MICAL3: variants seen among roughly 807,000 people sequenced by gnomAD.
MICAL3 encodes the protein [F-actin]-monooxygenase MICAL3.
Under a neutral mutation model 207.4 loss-of-function variants are expected in MICAL3, and 62 were observed. The observed-to-expected ratio is 0.30, with a 90% CI of 0.24 to 0.37. MICAL3 has a LOEUF of 0.37. Among genes scored for constraint, MICAL3 ranks in the 10% least tolerant of loss-of-function variants. The pLI is 1.00. For missense variants in MICAL3, 2,368 were observed against 2,635.6 expected (o/e 0.90, Z 2.22); for synonymous variants, 1,077 against 1,069.3 (o/e 1.01, Z -0.14).
chr22:17,846,314 A>C (rs557753643), intron 19 of MICAL3, among the ~76,000 whole-genome samples: 1 of 152,290 alleles, frequency 6.6e-6, no homozygotes, highest in East Asian at 1.9e-4. Flanking sequence ...CTCAGAGGAC[A>C]CTGGGCAAGG....
At chr22:17,959,278 G>C (rs1259708387) in intron 1 of MICAL3, among the ~76,000 whole-genome samples, 2 of 151,528 alleles carry the variant, frequency 1.3e-5, no homozygotes, top group African/African-American at 4.9e-5. Flanking sequence ...GGCTCCCAAA[G>C]TGCTGGGATT....
intron 1 of MICAL3, among the ~76,000 whole-genome samples, chr22:17,973,125 T>A (rs1935493490): frequency 6.6e-6 from 1 of 152,090 alleles, no homozygotes; most frequent in African/African-American, 2.4e-5. Context: ...GTGGGGTGAG[T>A]AAGCCTCCTT....
In MICAL3 at chr22:17,902,047, G is replaced by C; in HGVS notation, c.590-68C>G. The C allele has an allele frequency of 8.9e-7, 1 of 1,127,654 alleles. No individual in the cohort carries two copies. Among genetic ancestry groups the C allele is most frequent in the Admixed American group, 2.0e-5 (1 of 51,024 alleles). The allele number at this position is 1,127,654 out of a possible 1,614,324, so 69.9% of individuals were successfully genotyped here. A position where few individuals can be genotyped will look rare whatever the true frequency, so the allele number is the denominator to read the frequency against. Reference sequence around the variant, plus strand: ...ACATTCACAGCCAGGACCATCTCTAGATACCCAGTCATGTGAACTGCACAA... The same window carrying C: ...ACATTCACAGCCAGGACCATCTCTACATACCCAGTCATGTGAACTGCACAA... On this transcript the variant is annotated intron_variant, in intron 4 of 31. Transcript: ENST00000441493. This position sits in a 1 kb window ranked among gnomAD's most constrained non-coding sequence, Gnocchi z 4.5.
intron 21 of MICAL3, among the ~76,000 whole-genome samples, chr22:17,829,824 G>A (rs1460647575): frequency 6.6e-6 from 1 of 152,198 alleles, no homozygotes; most frequent in Non-Finnish European, 1.5e-5. Context: ...CGCATTCCAT[G>A]AGGCCACTTC....
intron 1 of MICAL3, among the ~76,000 whole-genome samples, chr22:17,953,930 CAAAAAAAAAAAAAAAAAAAAAAAAAA>C (rs59740388): frequency 1.2e-5 from 1 of 86,534 alleles, no homozygotes; most frequent in Non-Finnish European, 2.3e-5. Flanking sequence ...GACTCCATCT[CAAAAAAAAAAAAAAAAAAAAAAAAAA>C]AAAAAAAAAA....
At chr22:17,803,628 G>C (rs1215606011) in intron 29 of MICAL3, 2 of 158,830 alleles carry the variant, frequency 1.3e-5, no homozygotes. Context: ...TCTTCCTCTG[G>C]AGCACATGTG....
intron 1 of MICAL3, chr22:18,005,554 T>G (rs1459522684): frequency 6.6e-6 from 1 of 151,846 alleles, no homozygotes; most frequent in Admixed American, 6.6e-5. Context: ...GTACAAGGAG[T>G]GCTTACAGGG....
chr22:17,919,902 C>T (rs562853854), intron 1 of MICAL3, among the ~76,000 whole-genome samples: 4 of 152,338 alleles, frequency 2.6e-5, no homozygotes, highest in South Asian at 4.1e-4. Context: ...TAAAGAACTG[C>T]GGTATCAGTG....
rs1466143035 is a variant in MICAL3, at chr22:17,988,348, GTCA to G, written c.-75+35930_-75+35932del. Among the ~76,000 whole-genome samples, 17 of 152,160 alleles carry G rather than the reference GTCA, an allele frequency of 1.1e-4. No individual in the cohort carries two copies. In the East Asian group the frequency reaches 2.9e-3, roughly 26 times the overall value. ...TGCCAACATCCTGTTCCAGTTCCTTGTCATGTCACACCTGAATCATCCCCATCT... is the reference window on the plus strand; with the variant it reads ...TGCCAACATCCTGTTCCAGTTCCTTGTGTCACACCTGAATCATCCCCATCT... On this transcript the variant is annotated intron_variant, in intron 1 of 31. Transcript: ENST00000441493.
chr22:17,995,749 T>C (rs1434230269), intron 1 of MICAL3, among the ~76,000 whole-genome samples: 2 of 152,008 alleles, frequency 1.3e-5, no homozygotes, highest in East Asian at 1.9e-4. Flanking sequence ...CCTCAGGTGA[T>C]CTGCCCACCT....
chr22:17,865,765 T>C (rs532208825), intron 18 of MICAL3, among the ~76,000 whole-genome samples, 159 bp downstream of exon 18: 10 of 152,194 alleles, frequency 6.6e-5, no homozygotes, highest in African/African-American at 2.4e-4. Context: ...GAAAAGATGG[T>C]TCCCTCTCCA....
chr22:17,998,799 C>T (rs367988984), intron 1 of MICAL3, among the ~76,000 whole-genome samples: 7 of 152,044 alleles, frequency 4.6e-5, no homozygotes, highest in Non-Finnish European at 8.8e-5. Context: ...GTGATCCGCC[C>T]GCCTGGCCTC....
chr22:18,000,427 G>A (rs1480969971), intron 1 of MICAL3, among the ~76,000 whole-genome samples: 1 of 152,186 alleles, frequency 6.6e-6, no homozygotes, highest in African/African-American at 2.4e-5. Context: ...GCCAAGATAC[G>A]GGGCTGGTCC....
At chr22:17,992,200 C>G (rs999389649) in intron 1 of MICAL3, among the ~76,000 whole-genome samples, 1 of 152,214 alleles carries the variant, frequency 6.6e-6, no homozygotes, top group African/African-American at 2.4e-5. Flanking sequence ...GGGCAGCCTG[C>G]AGGCAAGGGA....
At chr22:17,864,044 A>C in intron 19 of MICAL3, 1 of 985,952 alleles carries the variant, frequency 1.0e-6, no homozygotes. Flanking sequence ...CATTCAGAAC[A>C]CCCAGCAGTT....
At position 17,818,534 on chromosome 22, in the gene MICAL3, C is replaced by T; in HGVS notation, c.4127G>A (p.Gly1376Glu). 1 of 1,613,444 alleles carries T rather than the reference C, an allele frequency of 6.2e-7. No individual in the cohort carries two copies. Among genetic ancestry groups the T allele is most frequent in the Non-Finnish European group, 8.5e-7 (1 of 1,179,866 alleles). The change falls in exon 26 of 32, where the codon GGA (glycine) becomes GAA (glutamate). Residue 1376 changes from glycine to glutamate, a missense_variant. By Grantham distance (98) the Gly-to-Glu change is moderately conservative. Transcript: ENST00000441493. ...YSVEKSPQDE[G>E]LHLLKPLSIP... Reference sequence around the variant, plus strand: ...GGACAGAGGCTTGAGAAGGTGGAGTCCCTCATCCTGGGGGGACTTTTCAAC... The same window carrying T: ...GGACAGAGGCTTGAGAAGGTGGAGTTCCTCATCCTGGGGGGACTTTTCAAC...
rs1569093907 is a variant in MICAL3 at position 17,849,643 on chromosome 22, A to AGTGTGT, written c.2606-7627_2606-7626insACACAC. On this transcript the variant is annotated intron_variant, in intron 19 of 31. Coordinates refer to ENST00000441493, the MANE Select transcript of MICAL3 (RefSeq NM_015241.3). ...AGCCACTGTGCCTGGCCCAGAATGG[A>AGTGTGT]ATGTGTGTGTGTGTGTGTGTGTGTG... Among the ~76,000 whole-genome samples, 37 of 120,234 alleles carry AGTGTGT rather than the reference A, an allele frequency of 3.1e-4. 1 individual carries two copies. Among genetic ancestry groups the AGTGTGT allele is most frequent in the African/African-American group, 8.4e-4 (26 of 30,772 alleles). The allele number at this position is 120,234 out of a possible 152,430, so 78.9% of individuals were successfully genotyped here.
In MICAL3 at chr22:17,998,549, T is replaced by TAA. The variant is rs1455291403; in HGVS notation, c.-75+25731_-75+25732insTT. 9.6e-5 allele frequency among the ~76,000 whole-genome samples: 13 copies of TAA among 135,492 alleles called. No individual in the cohort carries two copies. The East Asian group carries it at 1.9e-3, about 20-fold the overall frequency. 88.9% of individuals were successfully genotyped at this position (135,492 alleles called of 152,430 possible). A position where few individuals can be genotyped will look rare whatever the true frequency, so the allele number is the denominator to read the frequency against. On this transcript the variant is annotated intron_variant, in intron 1 of 31. Transcript: ENST00000441493. ...ATCCAGAGCATAATAATAATAATAA[T>TAA]TATTATTATTATTATTTTTTTTTTG...
At chr22:17,981,675 C>A (rs1935914633) in intron 1 of MICAL3, among the ~76,000 whole-genome samples, 1 of 152,212 alleles carries the variant, frequency 6.6e-6, no homozygotes, top group Non-Finnish European at 1.5e-5. Flanking sequence ...TGCGCATGCA[C>A]AGCACTACCT....
Sources: allele counts gnomAD v4.1 joint callset (sites outside exome capture counted in the v4.1 genomes callset), GRCh38; gene constraint gnomAD v4.1.1; non-coding constraint Gnocchi (gnomAD v3.1); transcripts MANE v1.5; gene names NCBI Gene and HGNC (gene_info 2026-07-23, HGNC 2026-07-21).